The following SOX6 variants were observed in gnomAD, a reference collection of about 807,000 sequenced individuals.
The protein encoded by SOX6 is transcription factor SOX-6.
In SOX6, 11 loss-of-function variants were observed where a neutral mutation model predicts 97.8. The ratio of observed to expected loss-of-function variants is 0.11; its 90% CI spans 0.07 to 0.19. The LOEUF is 0.19. Among genes scored for constraint, SOX6 ranks in the 10% least tolerant of loss-of-function variants. SOX6 has a pLI of 1.00. For synonymous variants in SOX6, 360 were observed against 371.4 expected (o/e 0.97, Z 0.35); for missense variants, 810 against 1,039.5 (o/e 0.78, Z 3.04).
At chr11:16,325,511 G>A (rs893968425) in intron 2 of SOX6, among the ~76,000 whole-genome samples, 17 of 152,050 alleles carry the variant, frequency 1.1e-4, no homozygotes, top group Admixed American at 9.2e-4. Context: ...CTGATGCTTA[G>A]GGGAAACAGA....
At chr11:16,092,460 T>C (rs1179796242) in intron 9 of SOX6, among the ~76,000 whole-genome samples, 1 of 151,920 alleles carries the variant, frequency 6.6e-6, no homozygotes, top group East Asian at 1.9e-4. Flanking sequence ...TGAGATAGTA[T>C]AGTAGGAATT....
intron 1 of SOX6, among the ~76,000 whole-genome samples, chr11:16,443,343 A>T (rs1047586711): frequency 1.3e-5 from 2 of 152,138 alleles, no homozygotes; most frequent in African/African-American, 4.8e-5. Flanking sequence ...CATCTCAAAC[A>T]TGTCTATATG....
intron 1 of SOX6, among the ~76,000 whole-genome samples, chr11:16,379,304 T>TA (rs1857734972): frequency 6.6e-6 from 1 of 151,696 alleles, no homozygotes; most frequent in Non-Finnish European, 1.5e-5. Flanking sequence ...CCATCTCTAC[T>TA]AAAAAGACAA....
intron 6 of SOX6, among the ~76,000 whole-genome samples, chr11:16,141,153 A>G (rs914654201): frequency 3.3e-5 from 5 of 152,114 alleles, no homozygotes; most frequent in Non-Finnish European, 7.3e-5. Context: ...CTCAGTATAT[A>G]TGAGTGGTGA....
At chr11:16,387,287 G>A (rs1383940122) in intron 1 of SOX6, among the ~76,000 whole-genome samples, 4 of 151,990 alleles carry the variant, frequency 2.6e-5, no homozygotes, top group Non-Finnish European at 4.4e-5. Context: ...TGAGCATCAG[G>A]CTAGTCAATT....
At chr11:16,252,251 G>A (rs1047384221) in intron 3 of SOX6, 1 of 152,278 alleles carries the variant, frequency 6.6e-6, no homozygotes, top group East Asian at 1.9e-4. Context: ...CAAGTAAATA[G>A]CTGAATAAAC....
chr11:16,709,751 A>G (rs1357586293), intron 3 of SOX6, among the ~76,000 whole-genome samples: 1 of 152,228 alleles, frequency 6.6e-6, no homozygotes, highest in Non-Finnish European at 1.5e-5. Flanking sequence ...AGCCTAACAC[A>G]GTAACTTTCT....
At chr11:16,108,464 C>T (rs1441716241) in intron 7 of SOX6, among the ~76,000 whole-genome samples, 1 of 152,166 alleles carries the variant, frequency 6.6e-6, no homozygotes, top group African/African-American at 2.4e-5. Context: ...GATGCTTTAT[C>T]TTTTAATTTT....
chr11:16,437,189 A>G (rs1859393206), intron 1 of SOX6, among the ~76,000 whole-genome samples: 1 of 150,948 alleles, frequency 6.6e-6, no homozygotes, highest in Non-Finnish European at 1.5e-5. Context: ...AGGTGGACTG[A>G]CCCCAAGAGC....
chr11:16,029,802 AC>A (rs1340847353), intron 12 of SOX6, among the ~76,000 whole-genome samples: 1 of 152,196 alleles, frequency 6.6e-6, no homozygotes, highest in African/African-American at 2.4e-5. Context: ...GCATTTTCAG[AC>A]CAATTAATGA....
chr11:16,569,319 G>A (rs1847911907), intron 4 of SOX6, among the ~76,000 whole-genome samples: 1 of 152,088 alleles, frequency 6.6e-6, no homozygotes, highest in Admixed American at 6.5e-5. Context: ...AAAACAGTCA[G>A]AGCTCACTCT....
intron 1 of SOX6, among the ~76,000 whole-genome samples, chr11:16,416,131 A>G (rs1193314003): frequency 3.9e-5 from 6 of 152,188 alleles, no homozygotes; most frequent in Non-Finnish European, 8.8e-5. Flanking sequence ...TCTGCTTGTC[A>G]CATGTACCAT....
chr11:16,242,191 G>A (rs1853215932), intron 3 of SOX6, among the ~76,000 whole-genome samples: 1 of 152,000 alleles, frequency 6.6e-6, no homozygotes, highest in Admixed American at 6.6e-5. Context: ...TGGTAGTCTT[G>A]CATAAGAGTA....
intron 4 of SOX6, among the ~76,000 whole-genome samples, chr11:16,546,542 G>A (rs1847622603): frequency 6.6e-6 from 1 of 152,054 alleles, no homozygotes; most frequent in Non-Finnish European, 1.5e-5. Flanking sequence ...AATAGTGCTG[G>A]AAAAACTGGA....
At chr11:16,225,926 CAG>C (rs1852675092) in intron 4 of SOX6, among the ~76,000 whole-genome samples, 1 of 152,162 alleles carries the variant, frequency 6.6e-6, no homozygotes, top group Non-Finnish European at 1.5e-5. Context: ...TTGATGTATG[CAG>C]TTCCTAATTT....
intron 4 of SOX6, among the ~76,000 whole-genome samples, chr11:16,520,618 C>G (rs2133160251): frequency 1.3e-5 from 2 of 152,346 alleles, no homozygotes; most frequent in Middle Eastern, 6.8e-3. Context: ...GAGTGCCAGA[C>G]AGTGGGCGTA....
At chr11:16,263,017 T>TC (rs775315086) in intron 3 of SOX6, among the ~76,000 whole-genome samples, 2 of 151,972 alleles carry the variant, frequency 1.3e-5, no homozygotes, top group Non-Finnish European at 2.9e-5. Context: ...AGATGATTTT[T>TC]CTCCCTCAAA....
chr11:16,598,302 G>A (rs1259858862), intron 4 of SOX6, among the ~76,000 whole-genome samples: 1 of 151,998 alleles, frequency 6.6e-6, no homozygotes, highest in Non-Finnish European at 1.5e-5. Context: ...AAGGTTCAAT[G>A]CCCATGGACC....
At chr11:16,099,559 C>T (rs1186636916) in intron 7 of SOX6, among the ~76,000 whole-genome samples, 1 of 151,068 alleles carries the variant, frequency 6.6e-6, no homozygotes, top group Non-Finnish European at 1.5e-5. Flanking sequence ...TAAACCACAA[C>T]CCCCCTCCCT....
Sources: gnomAD v4.1 joint callset for allele counts (sites outside exome capture counted in the v4.1 genomes callset) on GRCh38, gnomAD v4.1.1 for gene constraint, MANE v1.5 for transcripts, NCBI Gene and HGNC (gene_info 2026-07-23, HGNC 2026-07-21) for gene names.